The following CAMTA1 variants were observed in gnomAD, a reference collection of about 807,000 sequenced individuals.
The protein encoded by CAMTA1 is calmodulin-binding transcription activator 1.
A neutral mutation model predicts 170.9 loss-of-function variants in CAMTA1; 27 were observed. The observed-to-expected ratio is 0.16, with a 90% CI of 0.12 to 0.22. CAMTA1 has a LOEUF of 0.22. CAMTA1 is among the 10% of genes least tolerant of loss of function. CAMTA1 has a pLI of 1.00. For missense variants in CAMTA1, 1,619 were observed against 2,217.2 expected, an observed-to-expected ratio of 0.73 and a Z score of 5.42; for synonymous variants, 833 against 891.5, an observed-to-expected ratio of 0.93 and a Z score of 1.17.
rs34365054 is a variant in CAMTA1 at position 6,844,508 on chromosome 1, CAAA to C, written c.234+19316_234+19318del. On this transcript the variant is annotated intron_variant, in intron 3 of 22. Coordinates refer to ENST00000303635, the MANE Select transcript of CAMTA1 (RefSeq NM_015215.4). ...GCAACATGACAAAACCATTGCATTA[CAAA>C]AAAAAAAAAAAAAAAAATGCAAAAA... 2.7e-3 allele frequency among the ~76,000 whole-genome samples: 260 copies of C among 96,502 alleles called. 1 individual carries two copies. Among genetic ancestry groups the C allele is most frequent in the East Asian group, 8.1e-3 (29 of 3,560 alleles). 63.3% of individuals were successfully genotyped at this position (96,502 alleles called of 152,430 possible). A position where few individuals can be genotyped will look rare whatever the true frequency, so the allele number is the denominator to read the frequency against.
rs530181874 is a variant in CAMTA1 at position 7,060,866 on chromosome 1, C to A, written c.235-30438C>A. On this transcript the variant is annotated intron_variant, in intron 3 of 22. Coordinates refer to ENST00000303635, the MANE Select transcript of CAMTA1 (RefSeq NM_015215.4). The stretch of plus-strand genomic sequence containing the variant: ...GTTGCCAGGAAAGCGGAGTTGCTGG[C>A]GATTTATGTCGGTTTTTCTGACATA... 2.2e-4 allele frequency among the ~76,000 whole-genome samples: 33 copies of A among 152,308 alleles called. 1 individual carries two copies. In the South Asian group the frequency reaches 3.5e-3, roughly 16 times the overall value.
In CAMTA1 at chr1:7,685,043, T is replaced by C. The variant is rs1427868196; in HGVS notation, c.2914+7310T>C. Among the ~76,000 whole-genome samples, 1 of 151,424 alleles carries C rather than the reference T, an allele frequency of 6.6e-6. No individual in the cohort carries two copies. The highest frequency in any genetic ancestry group is 6.6e-5 in the Admixed American group (1 of 15,194). On this transcript the variant is annotated intron_variant, in intron 11 of 22. Transcript: ENST00000303635. The surrounding 1 kb of genome is among the most constrained non-coding windows in gnomAD (Gnocchi z 5.7). ...CACCGTCCCGCGGTCACAGGTGGCA[T>C]GTTTTGAGGAGTTCGCAGGCACCGT...
intron 7 of CAMTA1, among the ~76,000 whole-genome samples, chr1:7,643,424 A>G (rs2095781202): frequency 6.6e-6 from 1 of 152,242 alleles, no homozygotes; most frequent in Non-Finnish European, 1.5e-5. Context: ...TCCTACAGTC[A>G]GAGGCTGCTA....
chr1:7,605,167 G>A (rs768924872), intron 6 of CAMTA1, among the ~76,000 whole-genome samples: 1 of 152,174 alleles, frequency 6.6e-6, no homozygotes, highest in East Asian at 1.9e-4. Context: ...TCCATTCTCC[G>A]ATCTCCAGCT....
chr1:7,123,025 C>T (rs756592553), intron 4 of CAMTA1, among the ~76,000 whole-genome samples: 3 of 152,232 alleles, frequency 2.0e-5, no homozygotes, highest in Non-Finnish European at 2.9e-5. Context: ...AAGATCCAAA[C>T]GTGGTCTGCA....
At chr1:6,816,690 C>G (rs1362891866) in intron 1 of CAMTA1, among the ~76,000 whole-genome samples, 1 of 152,160 alleles carries the variant, frequency 6.6e-6, no homozygotes, top group African/African-American at 2.4e-5. Flanking sequence ...ACTGATTTGC[C>G]CGGACTTCTT....
At chr1:7,109,415 GC>G (rs1394766323) in intron 4 of CAMTA1, among the ~76,000 whole-genome samples, 1 of 152,208 alleles carries the variant, frequency 6.6e-6, no homozygotes, top group Non-Finnish European at 1.5e-5. Flanking sequence ...ACTGGGCAAA[GC>G]ATTCTTGCCT....
intron 6 of CAMTA1, among the ~76,000 whole-genome samples, chr1:7,512,778 G>A (rs2094219993): frequency 1.3e-5 from 2 of 152,236 alleles, no homozygotes; most frequent in Non-Finnish European, 2.9e-5. Context: ...AGCAGGACAA[G>A]CCCCTGAGAA....
At chr1:7,077,279 T>C (rs1056682349) in intron 3 of CAMTA1, among the ~76,000 whole-genome samples, 1 of 150,690 alleles carries the variant, frequency 6.6e-6, no homozygotes, top group African/African-American at 2.4e-5. Context: ...AAGAAGCTTC[T>C]GTTTTGCTTT....
intron 10 of CAMTA1, among the ~76,000 whole-genome samples, chr1:7,676,332 G>A (rs1373428897): frequency 6.6e-6 from 1 of 152,184 alleles, no homozygotes. Context: ...TCCCAGCCAG[G>A]GTGGAAAACA....
intron 3 of CAMTA1, among the ~76,000 whole-genome samples, chr1:7,057,336 C>T (rs1334047538): frequency 6.6e-6 from 1 of 152,202 alleles, no homozygotes; most frequent in East Asian, 1.9e-4. Flanking sequence ...TTCGAAGCAC[C>T]TGCGTCGCAG....
At chr1:6,939,819 A>G (rs1215776423) in intron 3 of CAMTA1, among the ~76,000 whole-genome samples, 2 of 152,228 alleles carry the variant, frequency 1.3e-5, no homozygotes, top group Non-Finnish European at 1.5e-5. Context: ...TCTGCCTAGC[A>G]TCTGTCTCCC....
At chr1:7,677,534 G>T in intron 10 of CAMTA1, 65 bp from the exon 11 acceptor site, 1 of 1,564,462 alleles carries the variant, frequency 6.4e-7, no homozygotes, top group East Asian at 2.3e-5. Flanking sequence ...TCCAGGCCCT[G>T]TGTGGTTCAC....
At position 7,634,675 on chromosome 1, in the gene CAMTA1, G is replaced by A. The variant is rs1365417838; in HGVS notation, c.511-5725G>A. On this transcript the variant is annotated intron_variant, in intron 6 of 22. Transcript: ENST00000303635. The surrounding 1 kb of genome is among the most constrained non-coding windows in gnomAD (Gnocchi z 6.2). ...CTCTGTACACAGCAAGAGGAGAGCT[G>A]GGACAGGCTGGGGCTGCCGGAGGAG... Among the ~76,000 whole-genome samples, 1 of 152,168 alleles carries A rather than the reference G, an allele frequency of 6.6e-6. No individual in the cohort carries two copies. Among genetic ancestry groups the A allele is most frequent in the Non-Finnish European group, 1.5e-5 (1 of 68,034 alleles).
chr1:7,236,328 G>A lies in CAMTA1; in HGVS notation c.303-13163G>A, dbSNP rs61584532. ...TAAGCAGAGGAGACGTTCCTTCATC[G>A]CACTTTTTCCCTCCCCTTGCAACAA... On this transcript the variant is annotated intron_variant, in intron 4 of 22. Transcript: ENST00000303635. Among the ~76,000 whole-genome samples, 633 of 152,296 alleles carry A rather than the reference G, an allele frequency of 4.2e-3. 4 individuals carry two copies. Among genetic ancestry groups the A allele is most frequent in the African/African-American group, 0.015 (609 of 41,554 alleles).
At chr1:7,240,257 T>C (rs1474151182) in intron 4 of CAMTA1, among the ~76,000 whole-genome samples, 1 of 152,194 alleles carries the variant, frequency 6.6e-6, no homozygotes, top group Non-Finnish European at 1.5e-5. Flanking sequence ...CTCCTCCTAT[T>C]TGGTAACTCA....
At chr1:7,139,513 GT>G (rs1645771537) in intron 4 of CAMTA1, among the ~76,000 whole-genome samples, 1 of 151,892 alleles carries the variant, frequency 6.6e-6, no homozygotes, top group South Asian at 2.1e-4. Flanking sequence ...TAAGCTCGCA[GT>G]TTAAGAGCCC....
intron 3 of CAMTA1, among the ~76,000 whole-genome samples, chr1:6,995,864 A>T (rs902915624): frequency 5.3e-5 from 8 of 152,182 alleles, no homozygotes; most frequent in Admixed American, 5.2e-4. Flanking sequence ...GGCAACTTAG[A>T]CAGGCATAAG....
At chr1:7,492,670 C>CACAT (rs1575596727) in intron 6 of CAMTA1, among the ~76,000 whole-genome samples, 2 of 140,958 alleles carry the variant, frequency 1.4e-5, no homozygotes, top group East Asian at 4.3e-4. Flanking sequence ...AACATACGAA[C>CACAT]ACACACACAC....
Sources: allele counts gnomAD v4.1 joint callset (sites outside exome capture counted in the v4.1 genomes callset), GRCh38; gene constraint gnomAD v4.1.1; non-coding constraint Gnocchi (gnomAD v3.1); transcripts MANE v1.5; gene names NCBI Gene and HGNC (gene_info 2026-07-23, HGNC 2026-07-21).